DET1: variants seen among roughly 807,000 people sequenced by gnomAD.
DET1 encodes the protein DET1 homolog.
A neutral mutation model predicts 43.7 loss-of-function variants in DET1; 22 were observed. That is an observed-to-expected ratio of 0.50 (90% confidence interval 0.36 to 0.72). The LOEUF (loss-of-function observed/expected upper bound fraction) is 0.72, where lower values mean the gene tolerates loss of function less well. Ranked by LOEUF, DET1 falls within the 30% of genes least tolerant of loss-of-function variation. DET1 has a pLI of 0.00. For synonymous variants in DET1, 315 were observed against 266.2 expected (o/e 1.18, Z -1.79); for missense variants, 713 against 713.3 (o/e 1.00, Z 0.00).
At chr15:88,539,522 TTA>T (rs2057046698) in intron 1 of DET1, among the ~76,000 whole-genome samples, 1 of 152,122 alleles carries the variant, frequency 6.6e-6, no homozygotes, top group Admixed American at 6.5e-5. Context: ...ATTGTTTGTT[TTA>T]TGTTTATTTT....
chr15:88,506,182 C>T (rs1031242611), intron 7 of DET1, among the ~76,000 whole-genome samples: 1 of 152,162 alleles, frequency 6.6e-6, no homozygotes, highest in Non-Finnish European at 1.5e-5. Context: ...TCACTTAGTG[C>T]TCACATCGAC....
intron 3 of DET1, among the ~76,000 whole-genome samples, chr15:88,525,756 G>A (rs1370438833): frequency 6.6e-6 from 1 of 151,752 alleles, no homozygotes. Flanking sequence ...TTGCCTCCCA[G>A]GCTCAAGTGA....
intron 3 of DET1, 128 bp downstream of exon 3, chr15:88,527,471 G>A: frequency 1.3e-6 from 1 of 789,210 alleles, no homozygotes; most frequent in Non-Finnish European, 1.9e-6. Flanking sequence ...GAAACAAGGG[G>A]TTATAATAAG....
chr15:88,521,399 T>C (rs1216188917), intron 3 of DET1, among the ~76,000 whole-genome samples: 1 of 152,216 alleles, frequency 6.6e-6, no homozygotes, highest in Non-Finnish European at 1.5e-5. Context: ...TTTTGTTTTT[T>C]CCTTGGACAC....
intron 4 of DET1, among the ~76,000 whole-genome samples, chr15:88,515,430 T>C (rs756741889): frequency 2.7e-5 from 4 of 149,172 alleles, no homozygotes; most frequent in Non-Finnish European, 4.4e-5. Flanking sequence ...TCCCAGCTAC[T>C]TGGGAAGCTG....
At chr15:88,511,210 C>T (rs2056197153), downstream of DET1, among the ~76,000 whole-genome samples, 1 of 152,156 alleles carries the variant, frequency 6.6e-6, no homozygotes, top group South Asian at 2.1e-4. Context: ...GGATGACCAC[C>T]ACGGACTCAC....
At chr15:88,511,174 G>A (rs1396577921), downstream of DET1, among the ~76,000 whole-genome samples, 2 of 152,152 alleles carry the variant, frequency 1.3e-5, no homozygotes, top group African/African-American at 4.8e-5. Flanking sequence ...CCCAGTGGCA[G>A]CATTCACACC....
chr15:88,538,045 T>A (rs547165813), intron 1 of DET1, among the ~76,000 whole-genome samples: 40 of 152,348 alleles, frequency 2.6e-4, no homozygotes, highest in African/African-American at 8.9e-4. Context: ...TCATGCGGTA[T>A]TTTCAGAGCC....
intron 1 of DET1, among the ~76,000 whole-genome samples, chr15:88,544,648 C>T (rs1023879291): frequency 6.6e-6 from 1 of 152,166 alleles, no homozygotes; most frequent in Admixed American, 6.5e-5. Context: ...CATCCTCACG[C>T]CAATGGCTCT....
chr15:88,528,279 G>A (rs11638273), intron 2 of DET1, among the ~76,000 whole-genome samples: 33,979 of 152,114 alleles, frequency 0.22, 4,869 homozygotes, highest in African/African-American at 0.4. Context: ...TCTCTTGTAA[G>A]TGTACAGTTG....
chr15:88,540,627 G>T (rs2057082279), intron 1 of DET1, among the ~76,000 whole-genome samples: 1 of 151,338 alleles, frequency 6.6e-6, no homozygotes, highest in East Asian at 1.9e-4. Flanking sequence ...ACTCCATTTT[G>T]TTATGTACTA....
chr15:88,522,238 G>C (rs1214998923), intron 3 of DET1, among the ~76,000 whole-genome samples: 1 of 152,188 alleles, frequency 6.6e-6, no homozygotes, highest in Non-Finnish European at 1.5e-5. Context: ...GGACAAGCCA[G>C]CTCCAGAACT....
intron 3 of DET1, among the ~76,000 whole-genome samples, chr15:88,519,764 C>T (rs1488126711): frequency 1.3e-5 from 2 of 152,154 alleles, no homozygotes; most frequent in African/African-American, 4.8e-5. Context: ...CGTGCCTGTA[C>T]TACTTGGTTT....
At chr15:88,543,254 C>T (rs1206461581) in intron 1 of DET1, among the ~76,000 whole-genome samples, 1 of 152,204 alleles carries the variant, frequency 6.6e-6, no homozygotes, top group Non-Finnish European at 1.5e-5. Context: ...CCTGTGGCCT[C>T]TGGATGGCCA....
intron 1 of DET1, among the ~76,000 whole-genome samples, chr15:88,533,384 T>A (rs1197991849): frequency 6.6e-6 from 1 of 152,186 alleles, no homozygotes. Flanking sequence ...TGAAGGTTCC[T>A]TGAAGAAAAT....
At chr15:88,509,888 A>G (rs543191446), downstream of DET1, among the ~76,000 whole-genome samples, 2 of 152,356 alleles carry the variant, frequency 1.3e-5, no homozygotes, top group East Asian at 3.9e-4. Flanking sequence ...ATCTCAATCC[A>G]AGACAATACC....
intron 1 of DET1, among the ~76,000 whole-genome samples, chr15:88,542,288 C>CT (rs916635691): frequency 1.3e-5 from 2 of 152,114 alleles, no homozygotes; most frequent in African/African-American, 2.4e-5. Flanking sequence ...TCCACCCGGC[C>CT]TAATTGGGAC....
intron 3 of DET1, among the ~76,000 whole-genome samples, chr15:88,522,595 G>A (rs2056527789): frequency 7.1e-6 from 1 of 140,224 alleles, no homozygotes; most frequent in Non-Finnish European, 1.5e-5. Context: ...TGCAAGCTCC[G>A]CCTCCTGGGT....
Position 88,512,773 on chromosome 15 carries a change from A to G in DET1, c.*178T>C. On this transcript the variant is annotated 3_prime_UTR_variant, in exon 5 of 5. Transcript: ENST00000268148. The stretch of plus-strand genomic sequence containing the variant: ...ACAATCAGTAGCAGTATTGTATACA[A>G]TTTAAAAATTCCATTAGGTTGAGCC... The G allele has an allele frequency of 9.4e-6, 13 of 1,389,214 alleles. No individual in the cohort carries two copies. Among genetic ancestry groups the G allele is most frequent in the African/African-American group, 1.4e-5 (1 of 69,344 alleles). 86.1% of individuals were successfully genotyped at this position (1,389,214 alleles called of 1,614,324 possible). A position where few individuals can be genotyped will look rare whatever the true frequency, so the allele number is the denominator to read the frequency against.
Sources: gnomAD v4.1 joint callset for allele counts (sites outside exome capture counted in the v4.1 genomes callset) on GRCh38, gnomAD v4.1.1 for gene constraint, MANE v1.5 for transcripts, NCBI Gene and HGNC (gene_info 2026-07-23, HGNC 2026-07-21) for gene names.